The following CTNNA3 variants were observed in gnomAD, a reference collection of about 807,000 sequenced individuals.
The protein encoded by CTNNA3 is catenin alpha 3.
In CTNNA3, 76 loss-of-function variants were observed where a neutral mutation model predicts 95.7. The observed-to-expected ratio is 0.79, with a 90% CI of 0.66 to 0.96. CTNNA3 has a LOEUF of 0.96. Ranked by LOEUF, CTNNA3 falls within the 40% of genes least tolerant of loss-of-function variation. CTNNA3 has a pLI of 0.00. For missense variants in CTNNA3, 1,191 were observed against 1,089.8 expected, an observed-to-expected ratio of 1.09 and a Z score of -1.31; for synonymous variants, 431 against 374.4, an observed-to-expected ratio of 1.15 and a Z score of -1.74.
At chr10:66,213,214 G>C (rs1195440812) in intron 13 of CTNNA3, among the ~76,000 whole-genome samples, 1 of 151,808 alleles carries the variant, frequency 6.6e-6, no homozygotes, top group Non-Finnish European at 1.5e-5. Flanking sequence ...AGGATATTGA[G>C]ATTACATTTA....
At chr10:66,886,019 C>A (rs988773514) in intron 7 of CTNNA3, among the ~76,000 whole-genome samples, 5 of 152,068 alleles carry the variant, frequency 3.3e-5, no homozygotes, top group African/African-American at 1.2e-4. Context: ...AAATGGTTCC[C>A]TTTGTTGCAA....
At chr10:66,458,193 C>A (rs1277525289) in intron 11 of CTNNA3, among the ~76,000 whole-genome samples, 1 of 152,084 alleles carries the variant, frequency 6.6e-6, no homozygotes, top group Admixed American at 6.6e-5. Flanking sequence ...CTATTATAAT[C>A]ACACAAACTG....
chr10:66,074,308 AAAT>A (rs1158184569), intron 14 of CTNNA3, among the ~76,000 whole-genome samples: 2 of 151,934 alleles, frequency 1.3e-5, no homozygotes, highest in African/African-American at 4.8e-5. Context: ...TGGCTATGAT[AAAT>A]AATGAGTATT....
chr10:66,519,277 T>C (rs1162436768), intron 11 of CTNNA3, among the ~76,000 whole-genome samples: 1 of 152,212 alleles, frequency 6.6e-6, no homozygotes, highest in Admixed American at 6.5e-5. Flanking sequence ...TGTGGGATAT[T>C]ATTCTAATTT....
intron 5 of CTNNA3, among the ~76,000 whole-genome samples, chr10:67,516,701 C>T (rs1020092915): frequency 6.6e-6 from 1 of 152,106 alleles, no homozygotes; most frequent in African/African-American, 2.4e-5. Flanking sequence ...TATTAGGTCC[C>T]CAGAACTTGT....
chr10:66,781,817 C>T (rs549925172), intron 7 of CTNNA3, among the ~76,000 whole-genome samples: 20 of 152,200 alleles, frequency 1.3e-4, no homozygotes, highest in Non-Finnish European at 1.9e-4. Flanking sequence ...GTACTTTACA[C>T]GTACTGTCTC....
chr10:67,104,372 G>A (rs554829252), intron 7 of CTNNA3, among the ~76,000 whole-genome samples: 1 of 151,796 alleles, frequency 6.6e-6, no homozygotes, highest in African/African-American at 2.4e-5. Flanking sequence ...ATCAAAAGAG[G>A]CTGAAAGATA....
rs776910854 is a variant in CTNNA3, at chr10:66,153,318, A to G, written c.1885-50069T>C. ...CTCAGGGTTGGACTCTGTTAATCAT[A>G]TATTTTTTCTTTGAATGTGAAGCCA... On this transcript the variant is annotated intron_variant, in intron 13 of 17. Transcript: ENST00000433211. Among the ~76,000 whole-genome samples the G allele has an allele frequency of 2.0e-4, 30 of 150,084 alleles. No homozygotes were observed. In the Middle Eastern group the frequency reaches 0.01, roughly 51 times the overall value.
At chr10:66,436,628 T>C (rs2131771551) in intron 11 of CTNNA3, among the ~76,000 whole-genome samples, 1 of 151,766 alleles carries the variant, frequency 6.6e-6, no homozygotes, top group East Asian at 2.0e-4. Flanking sequence ...CACCTATGGG[T>C]CTTGACTCTT....
intron 7 of CTNNA3, among the ~76,000 whole-genome samples, chr10:67,003,849 T>C (rs946435843): frequency 1.3e-5 from 2 of 152,162 alleles, no homozygotes; most frequent in Non-Finnish European, 2.9e-5. Context: ...GATTTTAACA[T>C]ACATTTGCAA....
chr10:66,233,361 T>A (rs926884387), intron 13 of CTNNA3, among the ~76,000 whole-genome samples: 4 of 151,966 alleles, frequency 2.6e-5, no homozygotes, highest in African/African-American at 9.7e-5. Flanking sequence ...AAAAATTATT[T>A]TTCTAAAATA....
chr10:66,043,685 C>G (rs72791496), intron 15 of CTNNA3, among the ~76,000 whole-genome samples: 36 of 152,238 alleles, frequency 2.4e-4, no homozygotes, highest in Non-Finnish European at 4.4e-4. Flanking sequence ...AACTTGACAT[C>G]TCTCAGTATT....
intron 16 of CTNNA3, among the ~76,000 whole-genome samples, chr10:65,982,612 A>G (rs979508819): frequency 2.6e-5 from 4 of 151,398 alleles, no homozygotes; most frequent in Non-Finnish European, 4.4e-5. Flanking sequence ...AATGCCCATC[A>G]ATCAATGAAT....
chr10:65,997,817 G>T lies in CTNNA3; in HGVS notation c.2160-9020C>A, dbSNP rs2078694621. On this transcript the variant is annotated intron_variant, in intron 15 of 17. Coordinates refer to ENST00000433211, the MANE Select transcript of CTNNA3 (RefSeq NM_013266.4). Reference sequence around the variant, plus strand: ...GGATCACCTGAGGTCGGGAGTTCAAGACTAGCCTGAGCAACATGGAGAAAC... The same window carrying T: ...GGATCACCTGAGGTCGGGAGTTCAATACTAGCCTGAGCAACATGGAGAAAC... 2.0e-5 allele frequency among the ~76,000 whole-genome samples: 3 copies of T among 152,140 alleles called. No individual in the cohort carries two copies. The South Asian group carries it at 6.2e-4, about 31-fold the overall frequency.
At chr10:67,719,713 C>T (rs1441494737) in intron 1 of CTNNA3, among the ~76,000 whole-genome samples, 1 of 152,160 alleles carries the variant, frequency 6.6e-6, no homozygotes, top group East Asian at 1.9e-4. Flanking sequence ...GAGTGCTTTA[C>T]TTCCAATTTT....
At chr10:67,566,607 G>A (rs905193482) in intron 3 of CTNNA3, among the ~76,000 whole-genome samples, 1 of 152,138 alleles carries the variant, frequency 6.6e-6, no homozygotes, top group Non-Finnish European at 1.5e-5. Flanking sequence ...GTGGAAGTCA[G>A]TGTGGCGATT....
chr10:66,486,410 AAAG>A (rs1429789155), intron 11 of CTNNA3, among the ~76,000 whole-genome samples: 2 of 152,212 alleles, frequency 1.3e-5, no homozygotes, highest in Non-Finnish European at 2.9e-5. Context: ...GCATTTCTCA[AAAG>A]AAGACAAATG....
At chr10:67,277,288 G>A (rs540779532) in intron 5 of CTNNA3, among the ~76,000 whole-genome samples, 1 of 152,300 alleles carries the variant, frequency 6.6e-6, no homozygotes, top group South Asian at 2.1e-4. Flanking sequence ...CACCAGAAAG[G>A]TCCTTTATTG....
At chr10:66,300,152 T>G (rs548489661) in intron 12 of CTNNA3, among the ~76,000 whole-genome samples, 2 of 152,086 alleles carry the variant, frequency 1.3e-5, no homozygotes, top group African/African-American at 4.8e-5. Flanking sequence ...TCAGCCTCCC[T>G]AAGAGATGGG....
Sources: gnomAD v4.1 joint callset for allele counts (sites outside exome capture counted in the v4.1 genomes callset) on GRCh38, gnomAD v4.1.1 for gene constraint, MANE v1.5 for transcripts, NCBI Gene and HGNC (gene_info 2026-07-23, HGNC 2026-07-21) for gene names.